The following LHX4 variants were observed in gnomAD, a reference collection of about 807,000 sequenced individuals.
The protein encoded by LHX4 is LIM/homeobox protein Lhx4.
A neutral mutation model predicts 39.2 loss-of-function variants in LHX4; 16 were observed. The ratio of observed to expected loss-of-function variants is 0.41; its 90% CI spans 0.28 to 0.62. The LOEUF (loss-of-function observed/expected upper bound fraction) is 0.62. LHX4 is among the 20% of genes least tolerant of loss of function. The probability of loss-of-function intolerance (pLI) is 0.33; values close to 1 mark genes in which losing one functional copy is unlikely to be tolerated. For missense variants in LHX4, 439 were observed against 511.9 expected (o/e 0.86, Z 1.37); for synonymous variants, 206 against 198.1 (o/e 1.04, Z -0.33).
chr1:180,252,996 G>A (rs891211680), intron 2 of LHX4, among the ~76,000 whole-genome samples: 7 of 151,940 alleles, frequency 4.6e-5, no homozygotes, highest in African/African-American at 7.3e-5. Flanking sequence ...TTTTCCAAAC[G>A]AAATAAAATT....
At chr1:180,244,134 C>T (rs1328212921) in intron 1 of LHX4, among the ~76,000 whole-genome samples, 3 of 152,188 alleles carry the variant, frequency 2.0e-5, no homozygotes, top group Non-Finnish European at 2.9e-5. Context: ...CAAGCCCTGA[C>T]GTGGCTCATA....
At chr1:180,233,189 C>A (rs1470696129) in intron 1 of LHX4, among the ~76,000 whole-genome samples, 1 of 152,234 alleles carries the variant, frequency 6.6e-6, no homozygotes, top group Non-Finnish European at 1.5e-5. Context: ...AAAACGTTTC[C>A]AAATGATGTA....
At chr1:180,229,690 C>A (rs1343061625), upstream of LHX4, among the ~76,000 whole-genome samples, 1 of 151,812 alleles carries the variant, frequency 6.6e-6, no homozygotes, top group Non-Finnish European at 1.5e-5. Flanking sequence ...AGCCGGGGAC[C>A]GAGAGCGCGC....
chr1:180,243,633 G>A (rs1052450280), intron 1 of LHX4, among the ~76,000 whole-genome samples: 2 of 152,060 alleles, frequency 1.3e-5, no homozygotes, highest in South Asian at 2.1e-4. Flanking sequence ...AGGGATGGGC[G>A]CCATCAACAG....
chr1:180,243,180 G>T (rs1225611099), intron 1 of LHX4, among the ~76,000 whole-genome samples: 1 of 152,012 alleles, frequency 6.6e-6, no homozygotes, highest in Non-Finnish European at 1.5e-5. Flanking sequence ...GTAGAGACGG[G>T]ATTTCACCAT....
chr1:180,264,232 G>A (rs944315556), intron 2 of LHX4, among the ~76,000 whole-genome samples: 13 of 152,210 alleles, frequency 8.5e-5, no homozygotes, highest in Admixed American at 5.2e-4. Flanking sequence ...GATTACAGGC[G>A]TGAGCCACCA....
chr1:180,274,116 G>C, intron 5 of LHX4, 69 bp from the exon 6 acceptor site: 1 of 1,588,754 alleles, frequency 6.3e-7, no homozygotes, highest in Non-Finnish European at 8.6e-7. Context: ...TGTGTTCCTA[G>C]GTTGTGAAGA....
At chr1:180,233,602 G>T (rs967351694) in intron 1 of LHX4, among the ~76,000 whole-genome samples, 1 of 152,236 alleles carries the variant, frequency 6.6e-6, no homozygotes. Context: ...CTGAGGAGAC[G>T]CGGAAAAGAG....
intron 2 of LHX4, among the ~76,000 whole-genome samples, chr1:180,248,983 G>A (rs1385210738): frequency 2.0e-5 from 3 of 152,162 alleles, no homozygotes; most frequent in South Asian, 2.1e-4. Context: ...GGTCAATGTC[G>A]TCACTTTATA....
At chr1:180,265,693 G>A (rs1156271667) in intron 2 of LHX4, among the ~76,000 whole-genome samples, 2 of 152,166 alleles carry the variant, frequency 1.3e-5, no homozygotes, top group African/African-American at 4.8e-5. Context: ...GAATGCTGTA[G>A]GGGCTGAAAA....
chr1:180,237,615 A>C (rs1664356270), intron 1 of LHX4, among the ~76,000 whole-genome samples: 4 of 152,026 alleles, frequency 2.6e-5, no homozygotes, highest in African/African-American at 9.7e-5. Context: ...TCCTGCTGTA[A>C]TTTTGGTGGA....
intron 2 of LHX4, among the ~76,000 whole-genome samples, chr1:180,253,417 G>A (rs1647706586): frequency 6.6e-6 from 1 of 152,210 alleles, no homozygotes; most frequent in East Asian, 1.9e-4. Flanking sequence ...CAGCCAGCTG[G>A]GTGCCCCTAG....
intron 2 of LHX4, among the ~76,000 whole-genome samples, chr1:180,263,562 C>G (rs1311741827): frequency 6.6e-6 from 1 of 152,222 alleles, no homozygotes; most frequent in Non-Finnish European, 1.5e-5. Context: ...TAATGAGGAG[C>G]CACTTCCACT....
rs1231607890 is a variant in LHX4, at chr1:180,266,715, C to T, written c.451+121C>T. 12 of 958,306 alleles carry T rather than the reference C, an allele frequency of 1.3e-5. No homozygotes were observed. The highest frequency in any genetic ancestry group is 4.2e-5 in the South Asian group (3 of 71,880). The allele number at this position is 958,306 out of a possible 1,614,324, so 59.4% of individuals were successfully genotyped here. A position where few individuals can be genotyped will look rare whatever the true frequency, so the allele number is the denominator to read the frequency against. ...ATCCCTCAGAGCCCTACTCATGCACCGCCACCTCTGAGAAGCGTCCCAGAT... is the reference window on the plus strand; with the variant it reads ...ATCCCTCAGAGCCCTACTCATGCACTGCCACCTCTGAGAAGCGTCCCAGAT... On this transcript the variant is annotated intron_variant, in intron 3 of 5. Transcript: ENST00000263726. The surrounding 1 kb of genome is among the most constrained non-coding windows in gnomAD (Gnocchi z 5.7).
chr1:180,261,512 G>A (rs1481449763), intron 2 of LHX4, among the ~76,000 whole-genome samples: 1 of 152,112 alleles, frequency 6.6e-6, no homozygotes, highest in Non-Finnish European at 1.5e-5. Context: ...AAAATGAGCT[G>A]GGCATGGTGG....
chr1:180,254,504 G>A (rs983889565), intron 2 of LHX4, among the ~76,000 whole-genome samples: 3 of 152,226 alleles, frequency 2.0e-5, no homozygotes, highest in African/African-American at 7.2e-5. Flanking sequence ...CCAGAACAGC[G>A]CATTTCTGCC....
At chr1:180,240,310 A>G (rs1055830959) in intron 1 of LHX4, among the ~76,000 whole-genome samples, 4 of 152,212 alleles carry the variant, frequency 2.6e-5, no homozygotes, top group Admixed American at 6.5e-5. Context: ...CTGGGATTAC[A>G]GGTGTGAGCC....
Position 180,248,355 on chromosome 1 carries a change from C to A in LHX4, c.147C>A (p.His49Gln). The A allele has an allele frequency of 1.2e-6, 2 of 1,614,258 alleles. No individual in the cohort carries two copies. Among genetic ancestry groups the A allele is most frequent in the Non-Finnish European group, 1.7e-6 (2 of 1,180,052 alleles). The change falls in exon 2 of 6, where the codon CAC (histidine) becomes CAA (glutamine). Residue 49 changes from histidine to glutamine, a missense_variant. Coordinates refer to ENST00000263726, the MANE Select transcript of LHX4 (RefSeq NM_033343.4). ...DKFILKVLDR[H>Q]WHSSCLKCAD... ...TCATCCTGAAGGTCCTGGACAGACA[C>A]TGGCACAGCTCCTGCCTCAAGTGTG...
chr1:180,241,514 C>T (rs1003334957), intron 1 of LHX4, among the ~76,000 whole-genome samples: 5 of 151,912 alleles, frequency 3.3e-5, no homozygotes, highest in Non-Finnish European at 7.4e-5. Context: ...TGTGAGGGCT[C>T]GGTGTTTTAC....
Sources: gnomAD v4.1 joint callset for allele counts (sites outside exome capture counted in the v4.1 genomes callset) on GRCh38, gnomAD v4.1.1 for gene constraint, Gnocchi (gnomAD v3.1) non-coding constraint, MANE v1.5 for transcripts, NCBI Gene and HGNC (gene_info 2026-07-23, HGNC 2026-07-21) for gene names.